HFM1: variants seen among roughly 807,000 people sequenced by gnomAD.
HFM1 encodes the protein helicase for meiosis 1.
HFM1 carries 169 observed loss-of-function variants against 192.1 expected under a neutral mutation model. The observed-to-expected ratio is 0.88, with a 90% confidence interval of 0.78 to 1.00. HFM1 has a LOEUF of 1.00. Among genes scored for constraint, HFM1 ranks in the 50% least tolerant of loss-of-function variants. The pLI is 0.00. For missense variants in HFM1, 1,661 were observed against 1,668.0 expected, an observed-to-expected ratio of 1.00 and a Z score of 0.07; for synonymous variants, 525 against 537.8, an observed-to-expected ratio of 0.98 and a Z score of 0.33.
chr1:91,392,043 T>G (rs2102124728), intron 4 of HFM1, among the ~76,000 whole-genome samples: 1 of 152,134 alleles, frequency 6.6e-6, no homozygotes, highest in South Asian at 2.1e-4. Flanking sequence ...AAAACCACAA[T>G]GAGATACCAT....
chr1:91,315,101 T>C (rs1651008316), intron 28 of HFM1, among the ~76,000 whole-genome samples: 1 of 152,230 alleles, frequency 6.6e-6, no homozygotes. Flanking sequence ...TATATGACCA[T>C]GATTAAGGTT....
intron 13 of HFM1, among the ~76,000 whole-genome samples, chr1:91,355,325 G>T (rs1657569051): frequency 6.6e-6 from 1 of 151,192 alleles, no homozygotes; most frequent in African/African-American, 2.4e-5. Flanking sequence ...CAAGCAACCA[G>T]AAAACAATTA....
intron 30 of HFM1, among the ~76,000 whole-genome samples, chr1:91,291,089 A>G (rs1403996884): frequency 6.6e-6 from 1 of 152,300 alleles, no homozygotes; most frequent in Non-Finnish European, 1.5e-5. Context: ...AATGCCCACA[A>G]TAGAAAGCAG....
intron 13 of HFM1, among the ~76,000 whole-genome samples, chr1:91,358,298 T>A (rs1360840206): frequency 1.3e-5 from 2 of 152,020 alleles, no homozygotes; most frequent in Non-Finnish European, 2.9e-5. Context: ...AAAAAATTTT[T>A]TTTCATAAAA....
At chr1:91,315,590 A>T (rs1310028052) in intron 28 of HFM1, among the ~76,000 whole-genome samples, 1 of 152,188 alleles carries the variant, frequency 6.6e-6, no homozygotes, top group Non-Finnish European at 1.5e-5. Context: ...ATGGTGATAG[A>T]TTTTATACTT....
chr1:91,293,951 A>G (rs1354167577), intron 30 of HFM1, among the ~76,000 whole-genome samples: 1 of 151,260 alleles, frequency 6.6e-6, no homozygotes, highest in Admixed American at 6.6e-5. Context: ...TCGCAAGAAC[A>G]AAAAACCAAA....
intron 20 of HFM1, among the ~76,000 whole-genome samples, chr1:91,327,768 A>G (rs1300382016): frequency 1.3e-5 from 2 of 152,240 alleles, no homozygotes; most frequent in African/African-American, 4.8e-5. Flanking sequence ...AATTGAAATA[A>G]TATCAAGCAT....
In HFM1 at chr1:91,292,476, C is replaced by T. The variant is rs1249600551; in HGVS notation, c.3392-15414G>A. 4.7e-5 allele frequency among the ~76,000 whole-genome samples: 7 copies of T among 150,156 alleles called. No individual in the cohort carries two copies. In the East Asian group the frequency reaches 7.8e-4, roughly 17 times the overall value. The stretch of plus-strand genomic sequence containing the variant: ...AATTGCTTCAAAGAGAATAAAATAC[C>T]TAGGAATCCAACTTACAAGGGATGT... On this transcript the variant is annotated intron_variant, in intron 30 of 38. Coordinates refer to ENST00000370425, the MANE Select transcript of HFM1 (RefSeq NM_001017975.6).
intron 1 of HFM1, among the ~76,000 whole-genome samples, chr1:91,401,845 A>T (rs1039221569): frequency 6.6e-6 from 1 of 152,162 alleles, no homozygotes; most frequent in Non-Finnish European, 1.5e-5. Context: ...AACATAAAGG[A>T]TAAAAACATT....
intron 13 of HFM1, among the ~76,000 whole-genome samples, chr1:91,365,695 C>A (rs893367493): frequency 6.6e-6 from 1 of 151,558 alleles, no homozygotes; most frequent in Non-Finnish European, 1.5e-5. Context: ...ACACTCATGA[C>A]TTTTTTTAAG....
chr1:91,338,199 G>A (rs1654845724), intron 20 of HFM1, among the ~76,000 whole-genome samples: 1 of 152,184 alleles, frequency 6.6e-6, no homozygotes, highest in African/African-American at 2.4e-5. Flanking sequence ...GAACTGCCTG[G>A]AGAAATGGCA....
At chr1:91,305,735 T>G (rs1649506276) in intron 30 of HFM1, among the ~76,000 whole-genome samples, 1 of 151,884 alleles carries the variant, frequency 6.6e-6, no homozygotes, top group Non-Finnish European at 1.5e-5. Context: ...ACCTGGCTAC[T>G]TTTTTCTATT....
intron 20 of HFM1, among the ~76,000 whole-genome samples, chr1:91,326,005 T>C (rs913260277): frequency 6.6e-6 from 1 of 151,750 alleles, no homozygotes; most frequent in East Asian, 1.9e-4. Context: ...GCAACACTGA[T>C]CAAGCAGAAG....
intron 18 of HFM1, among the ~76,000 whole-genome samples, 173 bp from the exon 19 acceptor site, chr1:91,347,649 C>T (rs1370131719): frequency 1.3e-5 from 2 of 152,122 alleles, no homozygotes; most frequent in Non-Finnish European, 2.9e-5. Flanking sequence ...ACAGGAATAT[C>T]ATATTTTAAC....
At chr1:91,267,157 G>C (rs993813782) in intron 35 of HFM1, among the ~76,000 whole-genome samples, 1 of 152,080 alleles carries the variant, frequency 6.6e-6, no homozygotes, top group Admixed American at 6.6e-5. Flanking sequence ...GTGAAATAGA[G>C]TAAATTTGCC....
intron 13 of HFM1, among the ~76,000 whole-genome samples, chr1:91,364,017 T>C (rs993588486): frequency 6.6e-5 from 10 of 151,962 alleles, no homozygotes; most frequent in East Asian, 5.8e-4. Context: ...GGGGAACACA[T>C]TGGGACCTGT....
intron 30 of HFM1, among the ~76,000 whole-genome samples, chr1:91,310,271 T>C (rs2101110311): frequency 6.6e-6 from 1 of 152,304 alleles, no homozygotes; most frequent in Non-Finnish European, 1.5e-5. Flanking sequence ...TCTAAAATTT[T>C]CTTCAAAATA....
chr1:91,379,059 C>A lies in HFM1; in HGVS notation c.1158+4G>T. 6.6e-7 allele frequency: 1 copy of A among 1,525,246 alleles called. No individual in the cohort carries two copies. The highest frequency in any genetic ancestry group is 8.9e-7 in the Non-Finnish European group (1 of 1,129,740). The allele number at this position is 1,525,246 out of a possible 1,614,324, so 94.5% of individuals were successfully genotyped here. On this transcript the variant is annotated splice_donor_region_variant and intron_variant, in intron 9 of 38. Coordinates refer to ENST00000370425, the MANE Select transcript of HFM1 (RefSeq NM_001017975.6). ...AGAAATCATAAAGTATAAATAATAC[C>A]TACTGGAGTTGTCATAATAATATGG...
In HFM1 at chr1:91,352,476, A is replaced by G. The variant is rs886593122; in HGVS notation, c.1977+30T>C. ...TTTTTTTGTTTTTATCATGTTTTTAAGTATAAAAAGCAAAGTTATTGTCAC... is the reference window on the plus strand; with the variant it reads ...TTTTTTTGTTTTTATCATGTTTTTAGGTATAAAAAGCAAAGTTATTGTCAC... On this transcript the variant is annotated intron_variant, in intron 16 of 38. Transcript: ENST00000370425. The G allele has an allele frequency of 4.6e-6, 7 of 1,507,876 alleles. No individual in the cohort carries two copies. In the African/African-American group the frequency reaches 1.0e-4, roughly 22 times the overall value. 93.4% of individuals were successfully genotyped at this position (1,507,876 alleles called of 1,614,324 possible).
Sources: allele counts gnomAD v4.1 joint callset (sites outside exome capture counted in the v4.1 genomes callset), GRCh38; gene constraint gnomAD v4.1.1; transcripts MANE v1.5; gene names NCBI Gene and HGNC (gene_info 2026-07-23, HGNC 2026-07-21).